The following ACBD6 variants were observed in gnomAD, a reference collection of about 807,000 sequenced individuals.
ACBD6 encodes the protein acyl-CoA-binding domain-containing protein 6.
Under a neutral mutation model 37.2 loss-of-function variants are expected in ACBD6, and 28 were observed. That is an observed-to-expected ratio of 0.75 (90% CI 0.56 to 1.03). The LOEUF (loss-of-function observed/expected upper bound fraction) is 1.03. Ranked by LOEUF, ACBD6 falls within the 50% of genes least tolerant of loss-of-function variation. The probability of loss-of-function intolerance (pLI) is 0.00; values close to 1 mark genes in which losing one functional copy is unlikely to be tolerated. For missense variants in ACBD6, 340 were observed against 337.4 expected (o/e 1.01, Z -0.06); for synonymous variants, 113 against 126.8 (o/e 0.89, Z 0.73).
intron 6 of ACBD6, among the ~76,000 whole-genome samples, chr1:180,368,221 C>T (rs1558268975): frequency 6.6e-6 from 1 of 151,824 alleles, no homozygotes; most frequent in Non-Finnish European, 1.5e-5. Context: ...TTTTTGTCCA[C>T]TTTTTAATGG....
At chr1:180,479,615 T>TG (rs1650944270) in intron 3 of ACBD6, among the ~76,000 whole-genome samples, 1 of 152,156 alleles carries the variant, frequency 6.6e-6, no homozygotes, top group Non-Finnish European at 1.5e-5. Flanking sequence ...TTGACAAAAA[T>TG]GTACAGATAC....
At chr1:180,345,209 A>G (rs931113069) in intron 6 of ACBD6, among the ~76,000 whole-genome samples, 1 of 152,182 alleles carries the variant, frequency 6.6e-6, no homozygotes, top group African/African-American at 2.4e-5. Flanking sequence ...TAAAAACTCA[A>G]TATACCTTAA....
intron 3 of ACBD6, among the ~76,000 whole-genome samples, chr1:180,480,622 A>G (rs1650994623): frequency 6.6e-6 from 1 of 152,272 alleles, no homozygotes; most frequent in African/African-American, 2.4e-5. Flanking sequence ...ATTCCAGCAC[A>G]TGAAACTCAA....
At chr1:180,402,537 G>C (rs1310020681) in intron 5 of ACBD6, among the ~76,000 whole-genome samples, 1 of 152,122 alleles carries the variant, frequency 6.6e-6, no homozygotes, top group African/African-American at 2.4e-5. Flanking sequence ...TAAAAAATCT[G>C]GCTGGGTGCG....
chr1:180,336,704 A>G (rs1374708918), intron 6 of ACBD6, among the ~76,000 whole-genome samples: 1 of 152,144 alleles, frequency 6.6e-6, no homozygotes, highest in Non-Finnish European at 1.5e-5. Flanking sequence ...AAACCCTTCA[A>G]AAACTCAATG....
At chr1:180,284,626 T>A (rs1329789921), downstream of ACBD6, among the ~76,000 whole-genome samples, 1 of 151,882 alleles carries the variant, frequency 6.6e-6, no homozygotes, top group Non-Finnish European at 1.5e-5. Flanking sequence ...CGCCTCAGCC[T>A]CCCAAAGTGC....
intron 6 of ACBD6, among the ~76,000 whole-genome samples, chr1:180,372,311 T>C (rs6677367): frequency 0.95 from 145,356 of 152,212 alleles, 69,469 homozygotes; most frequent in African/African-American, 0.99. Context: ...TCTGTCCTAT[T>C]TATCTTTGCT....
At chr1:180,297,366 G>C (rs1414218215) in intron 7 of ACBD6, among the ~76,000 whole-genome samples, 1 of 152,208 alleles carries the variant, frequency 6.6e-6, no homozygotes, top group Non-Finnish European at 1.5e-5. Context: ...GTGCTTCTAA[G>C]TGAATCAAAG....
chr1:180,471,560 G>A (rs1290847680), intron 3 of ACBD6, among the ~76,000 whole-genome samples: 1 of 152,050 alleles, frequency 6.6e-6, no homozygotes, highest in Non-Finnish European at 1.5e-5. Flanking sequence ...ATGGTGGGGG[G>A]CAAAAGGCAC....
At chr1:180,320,400 C>A (rs556555382) in intron 6 of ACBD6, among the ~76,000 whole-genome samples, 5 of 152,184 alleles carry the variant, frequency 3.3e-5, no homozygotes, top group Admixed American at 3.3e-4. Context: ...CTTTGGGAGG[C>A]TGAGGCAGAT....
intron 7 of ACBD6, among the ~76,000 whole-genome samples, chr1:180,294,587 A>G (rs1175544478): frequency 1.3e-5 from 2 of 151,972 alleles, no homozygotes; most frequent in Non-Finnish European, 2.9e-5. Context: ...ATTTCATTTA[A>G]GTTATCTATT....
At chr1:180,301,727 C>T (rs768340437) in intron 7 of ACBD6, among the ~76,000 whole-genome samples, 25 of 152,196 alleles carry the variant, frequency 1.6e-4, no homozygotes, top group Admixed American at 7.9e-4. Flanking sequence ...ACATAAAATA[C>T]ACAAGAACTG....
In ACBD6 at chr1:180,457,039, T is replaced by G. The variant is rs60449684; in HGVS notation, c.385-26777A>C. ...AAACCTAGAAACCGTAGAAAGACAG[T>G]AGAAACAGCAAACTTTTCCTATAAA... is the stretch of plus-strand genomic sequence containing the variant. On this transcript the variant is annotated intron_variant, in intron 3 of 7. Transcript: ENST00000367595. Among the ~76,000 whole-genome samples the G allele has an allele frequency of 6.6e-3, 1,009 of 152,254 alleles. 16 individuals carry two copies. The highest frequency in any genetic ancestry group is 0.023 in the African/African-American group (963 of 41,546).
chr1:180,371,757 A>G (rs1305542372), intron 6 of ACBD6, among the ~76,000 whole-genome samples: 4 of 152,190 alleles, frequency 2.6e-5, no homozygotes, highest in African/African-American at 9.6e-5. Flanking sequence ...TCACAGAATC[A>G]TTTAGATATG....
intron 3 of ACBD6, among the ~76,000 whole-genome samples, chr1:180,456,949 A>C (rs1649949507): frequency 1.3e-5 from 2 of 152,176 alleles, no homozygotes; most frequent in South Asian, 4.1e-4. Context: ...TTTACAAACA[A>C]ACATATTTTA....
At chr1:180,335,726 A>G (rs1342621737) in intron 6 of ACBD6, among the ~76,000 whole-genome samples, 2 of 146,142 alleles carry the variant, frequency 1.4e-5, no homozygotes, top group African/African-American at 4.9e-5. Flanking sequence ...CAAACTGGGT[A>G]AAGAGTCAAG....
At chr1:180,347,886 A>G (rs962884917) in intron 6 of ACBD6, among the ~76,000 whole-genome samples, 11 of 151,972 alleles carry the variant, frequency 7.2e-5, no homozygotes, top group African/African-American at 2.7e-4. Flanking sequence ...AATGGCGTGA[A>G]CCTGGGAGGC....
intron 7 of ACBD6, among the ~76,000 whole-genome samples, chr1:180,298,497 T>G (rs1254962925): frequency 6.6e-6 from 1 of 152,236 alleles, no homozygotes; most frequent in Non-Finnish European, 1.5e-5. Flanking sequence ...ATTACATTTA[T>G]GCTGTATGAT....
At chr1:180,280,173 G>T (rs944887688) in intron 9 of ACBD6, among the ~76,000 whole-genome samples, 1 of 152,178 alleles carries the variant, frequency 6.6e-6, no homozygotes, top group Non-Finnish European at 1.5e-5. Context: ...ATAGAGTCTT[G>T]TTAGGGAGAG....
Sources: gnomAD v4.1 joint callset for allele counts (sites outside exome capture counted in the v4.1 genomes callset) on GRCh38, gnomAD v4.1.1 for gene constraint, MANE v1.5 for transcripts, NCBI Gene and HGNC (gene_info 2026-07-23, HGNC 2026-07-21) for gene names.